Variants in LAMA3 observed in about 807,000 individuals in gnomAD.
The protein encoded by LAMA3 is laminin subunit alpha 3.
A neutral mutation model predicts 402.0 loss-of-function variants in LAMA3; 281 were observed. That is an observed-to-expected ratio of 0.70 (90% CI 0.63 to 0.77). The LOEUF (loss-of-function observed/expected upper bound fraction) is 0.77. LAMA3 is among the 30% of genes least tolerant of loss of function. The pLI is 0.00. For missense variants in LAMA3, 3,840 were observed against 4,215.5 expected (o/e 0.91, Z 2.47); for synonymous variants, 1,431 against 1,558.4 (o/e 0.92, Z 1.93).
At position 23,815,140 on chromosome 18, in the gene LAMA3, T is replaced by A. The variant is rs751391666; in HGVS notation, c.1889-48T>A. On this transcript the variant is annotated intron_variant, in intron 15 of 74. Transcript: ENST00000313654. The stretch of plus-strand genomic sequence containing the variant: ...GTGTAATGTTCCCAGAGCCAGGAAC[T>A]GTCTTTTGTGTCTCCCTTAGTTCAA... 3 of 1,550,016 alleles carry A rather than the reference T, an allele frequency of 1.9e-6. No individual in the cohort carries two copies. In the African/African-American group the frequency reaches 4.1e-5, roughly 21 times the overall value.
chr18:23,814,280 G>A, intron 14 of LAMA3, 123 bp from the exon 15 acceptor site: 1 of 747,178 alleles, frequency 1.3e-6, no homozygotes, highest in East Asian at 2.6e-5. Flanking sequence ...TTTTCCCCCT[G>A]GATACACTTA....
chr18:23,712,367 A>G (rs1391260752), intron 1 of LAMA3, among the ~76,000 whole-genome samples: 1 of 142,216 alleles, frequency 7.0e-6, no homozygotes, highest in African/African-American at 2.5e-5. Flanking sequence ...CAACAAGAGT[A>G]AAACTCCGTC....
intron 52 of LAMA3, 115 bp from the exon 53 acceptor site, chr18:23,907,435 A>G: frequency 1.2e-6 from 1 of 812,988 alleles, no homozygotes. Context: ...GGTGACCCCT[A>G]AGAAGCAAGT....
At chr18:23,747,553 C>T (rs1225868045) in intron 2 of LAMA3, among the ~76,000 whole-genome samples, 1 of 152,186 alleles carries the variant, frequency 6.6e-6, no homozygotes, top group Admixed American at 6.5e-5. Context: ...TGCTGGGAAA[C>T]ACTCTGGGCT....
At chr18:23,896,030 C>A (rs996452736) in intron 44 of LAMA3, among the ~76,000 whole-genome samples, 1 of 152,118 alleles carries the variant, frequency 6.6e-6, no homozygotes, top group African/African-American at 2.4e-5. Context: ...TATCTGTAAC[C>A]CATGTGTTAT....
intron 73 of LAMA3, among the ~76,000 whole-genome samples, 187 bp from the exon 74 acceptor site, chr18:23,952,803 A>G (rs1218221535): frequency 6.6e-6 from 1 of 152,242 alleles, no homozygotes; most frequent in Non-Finnish European, 1.5e-5. Flanking sequence ...GGTAAAATTC[A>G]TTCATGTACG....
chr18:23,768,746 A>G (rs2062131823), intron 8 of LAMA3, among the ~76,000 whole-genome samples: 1 of 152,232 alleles, frequency 6.6e-6, no homozygotes. Context: ...CTTGGTGCCT[A>G]TCAGTGGTGG....
chr18:23,831,300 C>G (rs1250691593), intron 23 of LAMA3, among the ~76,000 whole-genome samples: 1 of 152,104 alleles, frequency 6.6e-6, no homozygotes, highest in Non-Finnish European at 1.5e-5. Context: ...TAAAACTGCC[C>G]TTTCTACTTC....
intron 67 of LAMA3, among the ~76,000 whole-genome samples, chr18:23,934,664 C>T (rs2082260876): frequency 6.6e-6 from 1 of 152,216 alleles, no homozygotes; most frequent in Non-Finnish European, 1.5e-5. Context: ...CTGCCAGGCA[C>T]TGCACTATGC....
chr18:23,733,864 G>A (rs1480037904), intron 2 of LAMA3, among the ~76,000 whole-genome samples: 1 of 152,186 alleles, frequency 6.6e-6, no homozygotes, highest in Admixed American at 6.5e-5. Context: ...CTGATCATCA[G>A]TACTTCCTGC....
At chr18:23,702,499 G>A (rs1174258888) in intron 1 of LAMA3, among the ~76,000 whole-genome samples, 1 of 151,762 alleles carries the variant, frequency 6.6e-6, no homozygotes, top group Non-Finnish European at 1.5e-5. Context: ...AATTTTTTTT[G>A]TGTGTGTGTG....
intron 32 of LAMA3, among the ~76,000 whole-genome samples, chr18:23,849,693 A>G (rs1042105790): frequency 2.0e-5 from 3 of 152,236 alleles, no homozygotes; most frequent in Admixed American, 6.5e-5. Context: ...TGATAATTTA[A>G]TAGACTGGAA....
At chr18:23,707,142 G>T (rs1568097625) in intron 1 of LAMA3, among the ~76,000 whole-genome samples, 1 of 152,210 alleles carries the variant, frequency 6.6e-6, no homozygotes, top group East Asian at 1.9e-4. Flanking sequence ...GGGTTCAGCT[G>T]GTTGATTCTT....
At chr18:23,916,905 G>A (rs1398270573) in intron 60 of LAMA3, among the ~76,000 whole-genome samples, 2 of 151,598 alleles carry the variant, frequency 1.3e-5, no homozygotes, top group Non-Finnish European at 2.9e-5. Flanking sequence ...CAGGGGTGCA[G>A]GTGCAGGTTT....
At position 23,904,624 on chromosome 18, in the gene LAMA3, T is replaced by C; in HGVS notation, c.6545T>C (p.Ile2182Thr). ...AVDAATAYEN[I>T]LNAIKAAEDA... Reference sequence around the variant, plus strand: ...GATGCCGCCACCGCCTACGAGAACATCCTCAATGCCATCAAAGCGGCCGAG... The same window carrying C: ...GATGCCGCCACCGCCTACGAGAACACCCTCAATGCCATCAAAGCGGCCGAG... Residue 2182 changes from isoleucine (I) to threonine (T), a missense_variant, in exon 51 of 75, where the codon ATC (isoleucine) becomes ACC (threonine). Ile to Thr is a moderately conservative substitution (Grantham distance 89). Transcript: ENST00000313654. 6.2e-7 allele frequency: 1 copy of C among 1,613,704 alleles called. No individual in the cohort carries two copies. Among genetic ancestry groups the C allele is most frequent in the South Asian group, 1.1e-5 (1 of 90,962 alleles).
At chr18:23,743,243 G>A (rs909577517) in intron 2 of LAMA3, among the ~76,000 whole-genome samples, 2 of 152,158 alleles carry the variant, frequency 1.3e-5, no homozygotes, top group African/African-American at 4.8e-5. Context: ...CTCAGAGTAG[G>A]TAAGTCATGT....
chr18:23,795,738 C>G (rs1432490182), intron 12 of LAMA3, among the ~76,000 whole-genome samples: 3 of 148,192 alleles, frequency 2.0e-5, no homozygotes, highest in Admixed American at 6.8e-5. Context: ...TTTTTTTAAT[C>G]TATAAACTCT....
At chr18:23,761,713 A>T (rs910364869) in intron 7 of LAMA3, among the ~76,000 whole-genome samples, 4 of 152,208 alleles carry the variant, frequency 2.6e-5, no homozygotes, top group Middle Eastern at 3.2e-3. Flanking sequence ...TTTTTTTGAC[A>T]GTGAAATTTT....
chr18:23,690,068 G>T, intron 1 of LAMA3, 91 bp downstream of exon 1: 1 of 1,048,508 alleles, frequency 9.5e-7, no homozygotes, highest in Non-Finnish European at 1.3e-6. Flanking sequence ...CTTTCCTCAC[G>T]CGCGCTAGTG....
Sources: gnomAD v4.1 joint callset for allele counts (sites outside exome capture counted in the v4.1 genomes callset) on GRCh38, gnomAD v4.1.1 for gene constraint, MANE v1.5 for transcripts, NCBI Gene and HGNC (gene_info 2026-07-23, HGNC 2026-07-21) for gene names.